IKZF4: variants seen among roughly 807,000 people sequenced by gnomAD.
IKZF4 encodes the protein zinc finger protein Eos.
In IKZF4, 11 loss-of-function variants were observed where a neutral mutation model predicts 47.7. The observed-to-expected ratio is 0.23, with a 90% CI of 0.15 to 0.38. The LOEUF (loss-of-function observed/expected upper bound fraction) is 0.38. Among genes scored for constraint, IKZF4 ranks in the 10% least tolerant of loss-of-function variants. The pLI, the probability that IKZF4 is intolerant of heterozygous loss-of-function variation, is 1.00. For synonymous variants in IKZF4, 298 were observed against 299.4 expected (o/e 1.00, Z 0.05); for missense variants, 557 against 784.9 (o/e 0.71, Z 3.47).
At chr12:56,008,264 G>A (rs1030705406) in intron 1 of IKZF4, among the ~76,000 whole-genome samples, 1 of 152,142 alleles carries the variant, frequency 6.6e-6, no homozygotes, top group African/African-American at 2.4e-5. Flanking sequence ...GCACAGTGTA[G>A]GGTGAGAGGT....
intron 5 of IKZF4, 50 bp from the exon 6 acceptor site, chr12:56,032,511 G>A (rs760147345): frequency 1.3e-6 from 2 of 1,551,252 alleles, no homozygotes; most frequent in Admixed American, 2.0e-5. Context: ...TGCAGAGCCA[G>A]GGCACAGCGA....
At chr12:56,033,930 T>C (rs546900712) in intron 7 of IKZF4, among the ~76,000 whole-genome samples, 15 of 152,142 alleles carry the variant, frequency 9.9e-5, no homozygotes, top group Middle Eastern at 6.8e-3. Flanking sequence ...GACGGAGTCT[T>C]GCTCTGTCGC....
At chr12:56,033,149 C>T in intron 6 of IKZF4, 41 bp from the exon 7 acceptor site, 2 of 1,608,674 alleles carry the variant, frequency 1.2e-6, no homozygotes, top group South Asian at 1.1e-5. Context: ...AATGCTACCC[C>T]TACTCAACTG....
chr12:56,009,234 A>C (rs111307549), intron 1 of IKZF4, among the ~76,000 whole-genome samples: 2 of 152,142 alleles, frequency 1.3e-5, no homozygotes, highest in African/African-American at 4.8e-5. Context: ...ATACTTGCTC[A>C]CTTTGCCTGG....
intron 5 of IKZF4, among the ~76,000 whole-genome samples, chr12:56,031,868 CTCTGT>C (rs1472608825): frequency 6.6e-6 from 1 of 152,078 alleles, no homozygotes; most frequent in Non-Finnish European, 1.5e-5. Flanking sequence ...TTATTTTCTT[CTCTGT>C]TCTTTTATTC....
At chr12:56,018,163 G>A (rs1173572626), upstream of IKZF4, 32 of 1,289,120 alleles carry the variant, frequency 2.5e-5, no homozygotes, top group Admixed American at 1.1e-4. Context: ...TGCAATGGCC[G>A]CTCCTATGTG....
intron 2 of IKZF4, among the ~76,000 whole-genome samples, chr12:56,013,252 A>G (rs1592865551): frequency 6.6e-6 from 1 of 152,094 alleles, no homozygotes; most frequent in East Asian, 1.9e-4. Flanking sequence ...CTGGAGTGCA[A>G]TGGCGTGATC....
rs748445477 is a variant in IKZF4, at chr12:56,021,274, CCT to C, written c.-200_-199del. On this transcript the variant is annotated 5_prime_UTR_variant, in exon 1 of 8. Transcript: ENST00000547167. ...GCGTGCTCTCCCCTCTCCTTCTCTC[CCT>C]CTCTCTCTCTCTCTCTCTCACACAC... 936 of 1,301,924 alleles carry C rather than the reference CCT, an allele frequency of 7.2e-4. No individual in the cohort carries two copies. Among genetic ancestry groups the C allele is most frequent in the African/African-American group, 4.9e-3 (254 of 52,000 alleles). 80.6% of individuals were successfully genotyped at this position (1,301,924 alleles called of 1,614,324 possible).
At chr12:56,021,020 ATCTCTC>A, upstream of IKZF4, 1 of 787,078 alleles carries the variant, frequency 1.3e-6, no homozygotes. Flanking sequence ...AGGCCCATCC[ATCTCTC>A]TCTCTCTCTC....
At chr12:56,011,253 C>T (rs182007055) in intron 1 of IKZF4, 1 of 152,148 alleles carries the variant, frequency 6.6e-6, no homozygotes, top group Admixed American at 6.5e-5. Context: ...GGGGGTACAC[C>T]CAAAAACCCC....
In IKZF4 at chr12:56,035,627, T is replaced by A. The variant is rs938106303; in HGVS notation, c.*296T>A. On this transcript the variant is annotated 3_prime_UTR_variant, in exon 8 of 8. Coordinates refer to ENST00000547167, the MANE Select transcript of IKZF4 (RefSeq NM_022465.4). The surrounding 1 kb of genome is among the most constrained non-coding windows in gnomAD (Gnocchi z 6.1). ...TTTTGCCTTTTTAAATTTTAACTTA[T>A]ATCAGTCACTTGCCACTCCCCCACC... 3.6e-6 allele frequency: 1 copy of A among 274,668 alleles called. No homozygotes were observed. The highest frequency in any genetic ancestry group is 6.9e-6 in the Non-Finnish European group (1 of 145,022). The allele number at this position is 274,668 out of a possible 1,614,324, so 17.0% of individuals were successfully genotyped here. A position where few individuals can be genotyped will look rare whatever the true frequency, so the allele number is the denominator to read the frequency against.
intron 2 of IKZF4, among the ~76,000 whole-genome samples, chr12:56,015,996 G>T (rs1253687480): frequency 1.3e-5 from 2 of 152,120 alleles, no homozygotes; most frequent in Non-Finnish European, 2.9e-5. Context: ...TAAACTTAGA[G>T]AATTTTTTTC....
In IKZF4 at chr12:56,032,687, C is replaced by T; in HGVS notation, c.842C>T (p.Ala281Val). The change falls in exon 6 of 8, where the codon GCC becomes GTC. Residue 281 changes from alanine (A) to valine (V), a missense_variant. Transcript: ENST00000547167. ...TACCTACAGAGTCTCAGCACTGAAGCCCAAGCTTTGGCTGGCCAACCAGGT... is the reference window on the plus strand; with the variant it reads ...TACCTACAGAGTCTCAGCACTGAAGTCCAAGCTTTGGCTGGCCAACCAGGT... ...HNYLQSLSTE[A>V]QALAGQPGDE... 1 of 1,614,040 alleles carries T rather than the reference C, an allele frequency of 6.2e-7. No individual in the cohort carries two copies. The highest frequency in any genetic ancestry group is 8.5e-7 in the Non-Finnish European group (1 of 1,179,900).
intron 4 of IKZF4, 84 bp downstream of exon 4, chr12:56,027,125 G>C (rs558733538): frequency 7.5e-7 from 1 of 1,330,464 alleles, no homozygotes; most frequent in African/African-American, 1.5e-5. Context: ...AGCAGGTATG[G>C]GGCTGGAGGA....
Position 56,033,136 on chromosome 12 carries a change from G to A in IKZF4, c.866-54G>A, listed in dbSNP as rs1895138412. The A allele has an allele frequency of 1.1e-5, 18 of 1,598,366 alleles. No homozygotes were observed. The South Asian group carries it at 1.7e-4, about 15-fold the overall frequency. On this transcript the variant is annotated intron_variant, in intron 6 of 7. Transcript: ENST00000547167. ...GTTTTCTCCAGGCAAAGGCTGTGGG[G>A]CCAATGCTACCCCTACTCAACTGCT...
rs1225312740 is a variant in IKZF4 at position 56,022,824 on chromosome 12, G to T, written c.88-847G>T. The stretch of plus-strand genomic sequence containing the variant: ...TTTTTTTTTTTTTTTTTTTGAGACG[G>T]AGTCTCGCTCTGTCGCCCAGGCTGG... On this transcript the variant is annotated intron_variant, in intron 1 of 7. Transcript: ENST00000547167. Among the ~76,000 whole-genome samples the T allele has an allele frequency of 4.1e-5, 6 of 144,800 alleles. No homozygotes were observed. In the South Asian group the frequency reaches 1.3e-3, roughly 32 times the overall value. 95.0% of individuals were successfully genotyped at this position (144,800 alleles called of 152,430 possible). A position where few individuals can be genotyped will look rare whatever the true frequency, so the allele number is the denominator to read the frequency against.
chr12:56,015,666 G>T (rs1891950271), intron 2 of IKZF4, among the ~76,000 whole-genome samples: 1 of 152,226 alleles, frequency 6.6e-6, no homozygotes, highest in South Asian at 2.1e-4. Context: ...AAAGAGCTGA[G>T]ATTACAGGCC....
At position 56,036,173 on chromosome 12, in the gene IKZF4, C is replaced by T. The variant is rs973676344; in HGVS notation, c.*842C>T. 1 of 152,630 alleles carries T rather than the reference C, an allele frequency of 6.6e-6. No individual in the cohort carries two copies. Among genetic ancestry groups the T allele is most frequent in the African/African-American group, 2.4e-5 (1 of 41,436 alleles). The allele number at this position is 152,630 out of a possible 1,614,324, so 9.5% of individuals were successfully genotyped here. A position where few individuals can be genotyped will look rare whatever the true frequency, so the allele number is the denominator to read the frequency against. ...ACCGGTCTATTAAGTGGTGGCTTTTCTCTCCTTGGAGTGCCCCAATTTTAT... is the reference window on the plus strand; with the variant it reads ...ACCGGTCTATTAAGTGGTGGCTTTTTTCTCCTTGGAGTGCCCCAATTTTAT... On this transcript the variant is annotated 3_prime_UTR_variant, in exon 8 of 8. Transcript: ENST00000547167.
chr12:56,021,513 T>G lies in IKZF4; in HGVS notation c.20T>G (p.Leu7Arg). 6.2e-7 allele frequency: 1 copy of G among 1,605,770 alleles called. No individual in the cohort carries two copies. The highest frequency in any genetic ancestry group is 8.5e-7 in the Non-Finnish European group (1 of 1,176,902). ...GCAGACATGCATACACCACCCGCAC[T>G]CCCTCGCCGTTTCCAAGGCGGCGGC... MHTPPALPRRFQGGGRV... is the reference protein window; with the variant it reads MHTPPARPRRFQGGGRV... Residue 7 changes from leucine (L) to arginine (R), a missense_variant, in exon 1 of 8, where the codon CTC becomes CGC. Physicochemically the swap from Leu to Arg is moderately radical, Grantham distance 102 (BLOSUM62 -2). Around this residue, in one of 6 missense-constraint regions of IKZF4, gnomAD observed 44 missense variants for 39.7 expected, o/e 1.11. Coordinates refer to ENST00000547167, the MANE Select transcript of IKZF4 (RefSeq NM_022465.4).
Sources: allele counts gnomAD v4.1 joint callset (sites outside exome capture counted in the v4.1 genomes callset), GRCh38; gene constraint gnomAD v4.1.1; regional missense constraint gnomAD v4.1.1; non-coding constraint Gnocchi (gnomAD v3.1); transcripts MANE v1.5; gene names NCBI Gene and HGNC (gene_info 2026-07-23, HGNC 2026-07-21).